CASP8: variants seen among roughly 807,000 people sequenced by gnomAD.
CASP8 encodes the protein caspase 8.
CASP8 carries 24 observed loss-of-function variants against 46.3 expected under a neutral mutation model. The ratio of observed to expected loss-of-function variants is 0.52; its 90% CI spans 0.38 to 0.73. The LOEUF (loss-of-function observed/expected upper bound fraction) is 0.73, where lower values mean the gene tolerates loss of function less well. Among genes scored for constraint, CASP8 ranks in the 30% least tolerant of loss-of-function variants. CASP8 has a pLI of 0.00. For missense variants in CASP8, 460 were observed against 559.0 expected, an observed-to-expected ratio of 0.82 and a Z score of 1.79; for synonymous variants, 188 against 200.4, an observed-to-expected ratio of 0.94 and a Z score of 0.52.
chr2:201,233,627 G>A (rs975517055), intron 1 of CASP8: 2 of 152,198 alleles, frequency 1.3e-5, no homozygotes, highest in Non-Finnish European at 2.9e-5. Context: ...CTGTCTGTGA[G>A]ATTAAGCACT....
chr2:201,271,868 G>C (rs1191097637), intron 3 of CASP8, among the ~76,000 whole-genome samples: 1 of 152,226 alleles, frequency 6.6e-6, no homozygotes. Context: ...ATGCAGCCCA[G>C]ACCCGGCAGA....
rs532581475 is a variant in CASP8, at chr2:201,236,550, C to T, written c.-27+2438C>T. On this transcript the variant is annotated intron_variant, in intron 2 of 6. Coordinates refer to the CASP8 transcript ENST00000264274. ...TGTTTGTGATAAACCCTAATAATTC[C>T]ACCAGAGGGCAGCAAGCCAACATGA... is the stretch of plus-strand genomic sequence containing the variant. Among the ~76,000 whole-genome samples the T allele has an allele frequency of 5.9e-5, 9 of 152,234 alleles. No homozygotes were observed. In the East Asian group the frequency reaches 1.7e-3, roughly 29 times the overall value.
At chr2:201,274,415 T>G (rs537665400) in intron 5 of CASP8, among the ~76,000 whole-genome samples, 30 of 152,244 alleles carry the variant, frequency 2.0e-4, no homozygotes, top group Admixed American at 4.6e-4. Context: ...TTGCCCTGCT[T>G]GCAGAATCTC....
At chr2:201,275,050 AG>A (rs1948540367) in intron 6 of CASP8, 97 bp downstream of exon 6, 1 of 887,784 alleles carries the variant, frequency 1.1e-6, no homozygotes, top group Non-Finnish European at 1.8e-6. Context: ...TAAACTGACA[AG>A]GGGCAGAAAC....
chr2:201,256,238 T>C, upstream of CASP8, among the ~76,000 whole-genome samples: 1 of 152,220 alleles, frequency 6.6e-6, no homozygotes, highest in East Asian at 1.9e-4. Flanking sequence ...GCATTAATGT[T>C]TAGGTGGTGA....
intron 2 of CASP8, chr2:201,241,048 GTA>G (rs1456255959): frequency 6.6e-6 from 1 of 152,136 alleles, no homozygotes; most frequent in Non-Finnish European, 1.5e-5. Context: ...GTACTAAGAG[GTA>G]CTTTATTGCA....
upstream of CASP8, chr2:201,258,359 T>C: frequency 1.9e-6 from 3 of 1,614,018 alleles, no homozygotes; most frequent in Non-Finnish European, 2.5e-6. Flanking sequence ...GAGACTGCGA[T>C]GGTGCCAGGA....
intron 2 of CASP8, among the ~76,000 whole-genome samples, chr2:201,251,462 G>C (rs1009440884): frequency 1.3e-5 from 2 of 151,958 alleles, no homozygotes; most frequent in Non-Finnish European, 2.9e-5. Flanking sequence ...GGGCGTGGTG[G>C]CGTGTGCCTG....
chr2:201,283,858 C>T (rs1422305292), intron 7 of CASP8, among the ~76,000 whole-genome samples: 26 of 45,646 alleles, frequency 5.7e-4, no homozygotes, highest in African/African-American at 1.7e-3. Context: ...GGCTGCCGGG[C>T]GGAGACGCTC....
intron 2 of CASP8, among the ~76,000 whole-genome samples, chr2:201,243,098 T>A (rs377741560): frequency 6.6e-6 from 1 of 152,162 alleles, no homozygotes; most frequent in East Asian, 1.9e-4. Context: ...GAGTTGCCTG[T>A]CAACAAGCAT....
At chr2:201,265,508 T>A (rs991945190) in intron 1 of CASP8, among the ~76,000 whole-genome samples, 1 of 152,056 alleles carries the variant, frequency 6.6e-6, no homozygotes, top group African/African-American at 2.4e-5. Context: ...GAATGGGAGG[T>A]TGGTCCTAAT....
At chr2:201,260,036 C>T (rs1947281044), upstream of CASP8, among the ~76,000 whole-genome samples, 1 of 146,706 alleles carries the variant, frequency 6.8e-6, no homozygotes, top group African/African-American at 2.5e-5. Flanking sequence ...ATCTGGTGAC[C>T]TTGGGGCCAC....
chr2:201,277,793 C>T (rs1948739656), intron 7 of CASP8: 2 of 384,100 alleles, frequency 5.2e-6, no homozygotes, highest in Non-Finnish European at 1.0e-5. Flanking sequence ...CTCCACCTCC[C>T]TGGTTCAAGT....
chr2:201,250,918 T>A (rs1355765760), intron 2 of CASP8, among the ~76,000 whole-genome samples: 1 of 152,226 alleles, frequency 6.6e-6, no homozygotes. Flanking sequence ...TCCCCTGTGC[T>A]GAACCTATTC....
chr2:201,277,612 T>G, intron 7 of CASP8: 1 of 354,924 alleles, frequency 2.8e-6, no homozygotes, highest in Non-Finnish European at 5.4e-6. Flanking sequence ...ATAACATCAA[T>G]TATTGATTTG....
At chr2:201,273,989 A>G (rs1948465412) in intron 5 of CASP8, among the ~76,000 whole-genome samples, 1 of 152,218 alleles carries the variant, frequency 6.6e-6, no homozygotes, top group Non-Finnish European at 1.5e-5. Flanking sequence ...TAGAAAAATT[A>G]TATACACTAA....
intron 2 of CASP8, among the ~76,000 whole-genome samples, chr2:201,248,295 G>T (rs1353042123): frequency 1.3e-5 from 2 of 152,140 alleles, no homozygotes; most frequent in Non-Finnish European, 2.9e-5. Context: ...GAGTGTAGCT[G>T]GTTGCAGGAA....
chr2:201,268,909 TTGTGTGTGTGTGTGTGTGTGTGTGTG>T (rs58087434), intron 2 of CASP8, among the ~76,000 whole-genome samples: 1 of 131,532 alleles, frequency 7.6e-6, no homozygotes, highest in African/African-American at 2.8e-5. Flanking sequence ...GGCCTCATCT[TTGTGTGTGTGTGTGTGTGTGTGTGTG>T]TGTGTGTGTG....
Position 201,266,774 on chromosome 2 carries a change from T to G in CASP8, c.288T>G (p.Ala96=). The G allele has an allele frequency of 1.2e-6, 2 of 1,612,714 alleles. No homozygotes were observed. The highest frequency in any genetic ancestry group is 1.7e-6 in the Non-Finnish European group (2 of 1,179,084). ...GGGAACTTCAGACACCAGGCAGGGC[T>G]CAAATTTCTGCCTACAGGTGGGTGG... ...MERELQTPGR[A]QISAYRVMLY... is the part of the protein sequence containing the mutation. The change falls in exon 2 of 9, where the codon GCT becomes GCG. Residue 96 remains alanine, a synonymous_variant. Coordinates refer to ENST00000673742, the MANE Select transcript of CASP8 (RefSeq NM_001372051.1). The surrounding 1 kb of genome is among the most constrained non-coding windows in gnomAD (Gnocchi z 5.7).
Sources: gnomAD v4.1 joint callset for allele counts (sites outside exome capture counted in the v4.1 genomes callset) on GRCh38, gnomAD v4.1.1 for gene constraint, Gnocchi (gnomAD v3.1) non-coding constraint, MANE v1.5 for transcripts, NCBI Gene and HGNC (gene_info 2026-07-23, HGNC 2026-07-21) for gene names.